The following PCDH12 variants were observed in gnomAD, a reference collection of about 807,000 sequenced individuals.
PCDH12 encodes protocadherin-12.
A neutral mutation model predicts 70.9 loss-of-function variants in PCDH12; 45 were observed. The observed-to-expected ratio is 0.63, with a 90% CI of 0.50 to 0.81. The LOEUF (loss-of-function observed/expected upper bound fraction) is 0.81, where lower values mean the gene tolerates loss of function less well. Among genes scored for constraint, PCDH12 ranks in the 40% least tolerant of loss-of-function variants. The pLI, the probability that PCDH12 is intolerant of heterozygous loss-of-function variation, is 0.00. For synonymous variants in PCDH12, 567 were observed against 626.0 expected, an observed-to-expected ratio of 0.91 and a Z score of 1.41; for missense variants, 1,370 against 1,491.7, an observed-to-expected ratio of 0.92 and a Z score of 1.34.
In PCDH12 at chr5:141,958,044, G is replaced by GA; in HGVS notation, c.-194dup. The GA allele has an allele frequency of 3.1e-6, 2 of 636,794 alleles. No individual in the cohort carries two copies. Among genetic ancestry groups the GA allele is most frequent in the South Asian group, 4.2e-5 (2 of 47,900 alleles). 39.4% of individuals were successfully genotyped at this position (636,794 alleles called of 1,614,324 possible). ...AGGCAAGGCCATCTTCATTGGAAGC[G>GA]ATCTGAGATGTCCAAACGCCGATCA... On this transcript the variant is annotated 5_prime_UTR_variant, in exon 1 of 4. Transcript: ENST00000231484.
At chr5:141,953,251 A>C (rs1331692513) in intron 1 of PCDH12, 1 of 152,224 alleles carries the variant, frequency 6.6e-6, no homozygotes, top group Non-Finnish European at 1.5e-5. Context: ...GAATTACTTA[A>C]GCATTCTGAG....
intron 3 of PCDH12, among the ~76,000 whole-genome samples, chr5:141,946,681 C>G (rs151038494): frequency 6.6e-6 from 1 of 152,336 alleles, no homozygotes; most frequent in East Asian, 1.9e-4. Context: ...CAAGGGCTGT[C>G]CCAGGAGAGG....
chr5:141,949,286 T>C, intron 3 of PCDH12, 146 bp downstream of exon 3: 2 of 1,471,762 alleles, frequency 1.4e-6, no homozygotes, highest in Non-Finnish European at 1.8e-6. Flanking sequence ...TTTCTGAGGC[T>C]GCAAGGGTGC....
At chr5:141,946,265 A>G (rs2126915752) in intron 3 of PCDH12, among the ~76,000 whole-genome samples, 1 of 152,296 alleles carries the variant, frequency 6.6e-6, no homozygotes, top group East Asian at 1.9e-4. Flanking sequence ...CCCATCCATA[A>G]TAATAGGGAC....
At position 141,957,142 on chromosome 5, in the gene PCDH12, G is replaced by T; in HGVS notation, c.710C>A (p.Ser237Tyr). ...AGCAAACGCAGGGCTATTGTCATTG[G>T]AGTCCAAGACGTTGACCTTGACCAA... ...TSLVKVNVLD[S>Y]NDNSPAFAES... Residue 237 changes from serine (S) to tyrosine (Y), a missense_variant, in exon 1 of 4, where the codon TCC becomes TAC. By Grantham distance (144) the Ser-to-Tyr change is moderately radical. Transcript: ENST00000231484. The surrounding 1 kb of genome is among the most constrained non-coding windows in gnomAD (Gnocchi z 4.3). The T allele has an allele frequency of 1.9e-6, 3 of 1,614,158 alleles. No homozygotes were observed. The highest frequency in any genetic ancestry group is 2.5e-6 in the Non-Finnish European group (3 of 1,180,024).
In PCDH12 at chr5:141,955,454, T is replaced by C. The variant is rs768722035; in HGVS notation, c.2398A>G (p.Lys800Glu). 20 of 1,613,948 alleles carry C rather than the reference T, an allele frequency of 1.2e-5. No homozygotes were observed. Among genetic ancestry groups the C allele is most frequent in the Non-Finnish European group, 1.7e-5 (20 of 1,179,976 alleles). Residue 800 changes from lysine to glutamate, a missense_variant, in exon 1 of 4, where the codon AAG becomes GAG. Transcript: ENST00000231484. This position sits in a 1 kb window ranked among gnomAD's most constrained non-coding sequence, Gnocchi z 5.5. Reference protein sequence around the residue: ...EVGQSHKDVDKEAMMEAGWDP... With the variant: ...EVGQSHKDVDEEAMMEAGWDP... ...CAGCCTGCTTCCATCATCGCCTCCTTGTCCACATCTTTGTGGGACTGCCCG... is the reference window on the plus strand; with the variant it reads ...CAGCCTGCTTCCATCATCGCCTCCTCGTCCACATCTTTGTGGGACTGCCCG...
Position 141,945,538 on chromosome 5 carries a change from G to A in PCDH12, c.3398C>T (p.Ser1133Phe), listed in dbSNP as rs1199073968. The A allele has an allele frequency of 6.2e-7, 1 of 1,613,952 alleles. No homozygotes were observed. Among genetic ancestry groups the A allele is most frequent in the Admixed American group, 1.7e-5 (1 of 60,012 alleles). The change falls in exon 4 of 4, where the codon TCC becomes TTC. Residue 1133 changes from serine to phenylalanine, a missense_variant. Transcript: ENST00000231484. ...QRSSMPVEAA[S>F]EALRRLSVCG... ...GACCGAGAGCCGCCGCAGCGCCTCGGAGGCGGCCTCCACGGGCATGCTGGA... is the reference window on the plus strand; with the variant it reads ...GACCGAGAGCCGCCGCAGCGCCTCGAAGGCGGCCTCCACGGGCATGCTGGA...
chr5:141,951,753 G>A (rs1596644413), intron 1 of PCDH12, among the ~76,000 whole-genome samples, 163 bp from the exon 2 acceptor site: 1 of 152,358 alleles, frequency 6.6e-6, no homozygotes, highest in Middle Eastern at 3.4e-3. Context: ...CAGAGACAGG[G>A]ACCTGGGCGG....
At chr5:141,945,890 G>T in intron 3 of PCDH12, 85 bp from the exon 4 acceptor site, 2 of 1,258,062 alleles carry the variant, frequency 1.6e-6, no homozygotes, top group Non-Finnish European at 2.3e-6. Flanking sequence ...CAGGGCAAGG[G>T]CAGTGGACAA....
At position 141,945,080 on chromosome 5, in the gene PCDH12, C is replaced by T. The variant is rs537343851; in HGVS notation, c.*301G>A. 3.1e-5 allele frequency: 12 copies of T among 384,344 alleles called. No homozygotes were observed. The South Asian group carries it at 4.0e-4, about 13-fold the overall frequency. 23.8% of individuals were successfully genotyped at this position (384,344 alleles called of 1,614,324 possible). ...CCACCCTTTCCTGCCTGTGATACTC[C>T]GTGGCATCTGTTCTGCCAGAGGACT... is the stretch of plus-strand genomic sequence containing the variant. On this transcript the variant is annotated 3_prime_UTR_variant, in exon 4 of 4. Coordinates refer to ENST00000231484, the MANE Select transcript of PCDH12 (RefSeq NM_016580.4).
rs374595358 is a variant in PCDH12, at chr5:141,957,290, G to T, written c.562C>A (p.Pro188Thr). 5 of 1,613,576 alleles carry T rather than the reference G, an allele frequency of 3.1e-6. No homozygotes were observed. The highest frequency in any genetic ancestry group is 3.4e-6 in the Non-Finnish European group (4 of 1,179,726). Residue 188 changes from proline to threonine, a missense_variant, in exon 1 of 4, where the codon CCT (proline) becomes ACT (threonine). Coordinates refer to ENST00000231484, the MANE Select transcript of PCDH12 (RefSeq NM_016580.4). This position sits in a 1 kb window ranked among gnomAD's most constrained non-coding sequence, Gnocchi z 4.3. ...EHFALDVIVG[P>T]DETKHAELIV... ...AGTTCTGCATGTTTGGTCTCATCAGGGCCCACAATGACATCCAAGGCAAAG... is the reference window on the plus strand; with the variant it reads ...AGTTCTGCATGTTTGGTCTCATCAGTGCCCACAATGACATCCAAGGCAAAG...
At chr5:141,951,846 T>C (rs191964623) in intron 1 of PCDH12, among the ~76,000 whole-genome samples, 66 of 152,352 alleles carry the variant, frequency 4.3e-4, no homozygotes, top group Middle Eastern at 6.8e-3. Context: ...TGTCCCCTCA[T>C]ACTCATTCCT....
rs540451415 is a variant in PCDH12 at position 141,956,232 on chromosome 5, G to T, written c.1620C>A (p.Ser540Arg). 2 of 1,614,182 alleles carry T rather than the reference G, an allele frequency of 1.2e-6. No homozygotes were observed. Among genetic ancestry groups the T allele is most frequent in the Non-Finnish European group, 1.7e-6 (2 of 1,180,032 alleles). ...CACTGGATGCAAGCATGGGTTGCCC[G>T]CTGTCCTCTGCGATCACCTGGAACT... ...GFEFQVIAED[S>R]GQPMLASSVS... Residue 540 changes from serine to arginine, a missense_variant, in exon 1 of 4, where the codon AGC (serine) becomes AGA (arginine). Physicochemically the swap from Ser to Arg is moderately radical, Grantham distance 110. Transcript: ENST00000231484.
chr5:141,957,361 G>A lies in PCDH12; in HGVS notation c.491C>T (p.Thr164Ile). Reference protein sequence around the residue: ...IPLDRALDPDTGPNTLHTYTL... With the variant: ...IPLDRALDPDIGPNTLHTYTL... ...GTAGGTGTGCAGGGTGTTAGGGCCTGTGTCTGGGTCAAGAGCTCTGTCCAG... is the reference window on the plus strand; with the variant it reads ...GTAGGTGTGCAGGGTGTTAGGGCCTATGTCTGGGTCAAGAGCTCTGTCCAG... The change falls in exon 1 of 4, where the codon ACA becomes ATA. Residue 164 changes from threonine to isoleucine, a missense_variant. By Grantham distance (89) the Thr-to-Ile change is moderately conservative. Transcript: ENST00000231484. The surrounding 1 kb of genome is among the most constrained non-coding windows in gnomAD (Gnocchi z 4.3). 1 of 1,613,896 alleles carries A rather than the reference G, an allele frequency of 6.2e-7. No individual in the cohort carries two copies. Among genetic ancestry groups the A allele is most frequent in the Admixed American group, 1.7e-5 (1 of 59,976 alleles).
In PCDH12 at chr5:141,952,092, A is replaced by T. The variant is rs184521353; in HGVS notation, c.2881-502T>A. On this transcript the variant is annotated intron_variant, in intron 1 of 3. Coordinates refer to ENST00000231484, the MANE Select transcript of PCDH12 (RefSeq NM_016580.4). The stretch of plus-strand genomic sequence containing the variant: ...CTTTTCATTCATTCAACAAGTACTT[A>T]ATAAGTGCCAGGCAGGGTGGTTGCT... 8.5e-5 allele frequency among the ~76,000 whole-genome samples: 13 copies of T among 152,366 alleles called. No homozygotes were observed. The East Asian group carries it at 2.5e-3, about 29-fold the overall frequency.
At chr5:141,951,472 T>TG in intron 2 of PCDH12, 21 bp downstream of exon 2, 2 of 1,595,748 alleles carry the variant, frequency 1.3e-6, no homozygotes, top group South Asian at 2.2e-5. Flanking sequence ...GAGATGCCTG[T>TG]GGGGGCTACG....
Position 141,957,983 on chromosome 5 carries a change from C to T in PCDH12, c.-132G>A. On this transcript the variant is annotated 5_prime_UTR_variant, in exon 1 of 4. Transcript: ENST00000231484. This position sits in a 1 kb window ranked among gnomAD's most constrained non-coding sequence, Gnocchi z 4.3. ...CCAGAGCTGCCGGCACAACCTTGTC[C>T]CATAGTTAGATGATTATGAAACAAG... 1.9e-6 allele frequency: 2 copies of T among 1,029,472 alleles called. No individual in the cohort carries two copies. The highest frequency in any genetic ancestry group is 2.8e-6 in the Non-Finnish European group (2 of 719,086). The allele number at this position is 1,029,472 out of a possible 1,614,324, so 63.8% of individuals were successfully genotyped here. A position where few individuals can be genotyped will look rare whatever the true frequency, so the allele number is the denominator to read the frequency against.
At position 141,945,210 on chromosome 5, in the gene PCDH12, G is replaced by C; in HGVS notation, c.*171C>G. On this transcript the variant is annotated 3_prime_UTR_variant, in exon 4 of 4. Transcript: ENST00000231484. ...GAGCTGCTTACAAGGGGCTGCTTTG[G>C]TCAGTCAGCTGTTAGTCCTGGGGCT... The C allele has an allele frequency of 1.3e-6, 1 of 778,824 alleles. No homozygotes were observed. The highest frequency in any genetic ancestry group is 2.1e-6 in the Non-Finnish European group (1 of 477,180). The allele number at this position is 778,824 out of a possible 1,614,324, so 48.2% of individuals were successfully genotyped here.
chr5:141,946,903 TA>T (rs5871795), intron 3 of PCDH12, among the ~76,000 whole-genome samples: 22,678 of 145,262 alleles, frequency 0.16, 2,547 homozygotes, highest in African/African-American at 0.33. Context: ...TTAAAAAAAT[TA>T]AAAAAAAAAA....
Sources: allele counts gnomAD v4.1 joint callset (sites outside exome capture counted in the v4.1 genomes callset), GRCh38; gene constraint gnomAD v4.1.1; non-coding constraint Gnocchi (gnomAD v3.1); transcripts MANE v1.5; gene names NCBI Gene and HGNC (gene_info 2026-07-23, HGNC 2026-07-21).